Variants in CNTN5 observed in about 807,000 individuals in gnomAD.
The protein encoded by CNTN5 is contactin 5.
A neutral mutation model predicts 129.1 loss-of-function variants in CNTN5; 77 were observed. The observed-to-expected ratio is 0.60, with a 90% CI of 0.50 to 0.72. The LOEUF is 0.72. Ranked by LOEUF, CNTN5 falls within the 30% of genes least tolerant of loss-of-function variation. The pLI is 0.00. For synonymous variants in CNTN5, 509 were observed against 465.6 expected (o/e 1.09, Z -1.20); for missense variants, 1,478 against 1,328.8 (o/e 1.11, Z -1.75).
chr11:99,774,136 T>A (rs978147686), intron 3 of CNTN5, among the ~76,000 whole-genome samples: 1 of 152,042 alleles, frequency 6.6e-6, no homozygotes, highest in Non-Finnish European at 1.5e-5. Flanking sequence ...GTTTAAGTTT[T>A]CGAACCACCC....
chr11:99,636,666 C>G (rs1207376207), intron 3 of CNTN5, among the ~76,000 whole-genome samples: 1 of 151,928 alleles, frequency 6.6e-6, no homozygotes, highest in Non-Finnish European at 1.5e-5. Flanking sequence ...AAAACTTGAT[C>G]AGGCAACTCT....
At chr11:99,271,708 A>G (rs1343958026) in intron 1 of CNTN5, among the ~76,000 whole-genome samples, 1 of 151,822 alleles carries the variant, frequency 6.6e-6, no homozygotes, top group Non-Finnish European at 1.5e-5. Context: ...AAGAGAACTC[A>G]CAAAACTGTC....
At chr11:99,340,842 A>G (rs1267262198) in intron 2 of CNTN5, among the ~76,000 whole-genome samples, 2 of 152,240 alleles carry the variant, frequency 1.3e-5, no homozygotes, top group African/African-American at 4.8e-5. Flanking sequence ...TACATTAAAC[A>G]TATTCATGAC....
intron 1 of CNTN5, among the ~76,000 whole-genome samples, chr11:99,300,180 G>C (rs1001677759): frequency 6.6e-5 from 10 of 152,122 alleles, no homozygotes; most frequent in African/African-American, 2.4e-4. Context: ...TGAAAATGGC[G>C]TCCTTGCCTT....
chr11:99,495,427 G>A lies in CNTN5; in HGVS notation c.-70-60718G>A, dbSNP rs984014012. ...TATTGCTAAAACTAAGCCATTTGCCGTGTACATATCTTATGAGATATGGCG... is the reference window on the plus strand; with the variant it reads ...TATTGCTAAAACTAAGCCATTTGCCATGTACATATCTTATGAGATATGGCG... On this transcript the variant is annotated intron_variant, in intron 2 of 24. Transcript: ENST00000524871. 1.1e-4 allele frequency among the ~76,000 whole-genome samples: 16 copies of A among 152,218 alleles called. No individual in the cohort carries two copies. In the East Asian group the frequency reaches 1.2e-3, roughly 11 times the overall value.
chr11:99,141,605 G>A (rs1366041460), intron 1 of CNTN5, among the ~76,000 whole-genome samples: 1 of 151,994 alleles, frequency 6.6e-6, no homozygotes, highest in East Asian at 1.9e-4. Context: ...GTGTTAATTT[G>A]AGATCTTTAT....
At chr11:99,548,967 A>T (rs1948390044) in intron 2 of CNTN5, among the ~76,000 whole-genome samples, 1 of 152,166 alleles carries the variant, frequency 6.6e-6, no homozygotes, top group Admixed American at 6.5e-5. Context: ...AAATCTGATT[A>T]GACATATTAA....
At chr11:100,186,275 T>A (rs1246137219) in intron 13 of CNTN5, among the ~76,000 whole-genome samples, 1 of 152,044 alleles carries the variant, frequency 6.6e-6, no homozygotes, top group Non-Finnish European at 1.5e-5. Flanking sequence ...CTCAGGAGGC[T>A]GAGGTGGGAG....
intron 3 of CNTN5, among the ~76,000 whole-genome samples, chr11:99,802,430 G>A (rs1228042427): frequency 2.6e-5 from 4 of 152,184 alleles, no homozygotes; most frequent in African/African-American, 4.8e-5. Context: ...TGGCAGGCAA[G>A]GGACTGCCAT....
chr11:99,496,107 T>C (rs1368488696), intron 2 of CNTN5, among the ~76,000 whole-genome samples: 2 of 152,156 alleles, frequency 1.3e-5, no homozygotes, highest in East Asian at 1.9e-4. Flanking sequence ...TAAGCTGAGA[T>C]AGAGATTAGG....
intron 3 of CNTN5, among the ~76,000 whole-genome samples, chr11:99,729,357 C>G (rs1943452905): frequency 6.6e-6 from 1 of 152,092 alleles, no homozygotes; most frequent in Non-Finnish European, 1.5e-5. Context: ...TATAGGTAAA[C>G]TCATGTCACG....
intron 1 of CNTN5, among the ~76,000 whole-genome samples, chr11:99,072,215 T>A (rs1865366994): frequency 6.6e-6 from 1 of 151,968 alleles, no homozygotes; most frequent in African/African-American, 2.4e-5. Context: ...TTGTCAAAAG[T>A]TTATGCTCGT....
intron 8 of CNTN5, among the ~76,000 whole-genome samples, chr11:99,963,533 T>C (rs1463396363): frequency 2.6e-5 from 4 of 152,140 alleles, no homozygotes; most frequent in Non-Finnish European, 5.9e-5. Flanking sequence ...GTTTTGATAC[T>C]AGTACCATGC....
intron 1 of CNTN5, among the ~76,000 whole-genome samples, chr11:99,027,810 G>T (rs1863169334): frequency 1.3e-5 from 2 of 151,620 alleles, no homozygotes; most frequent in African/African-American, 4.8e-5. Context: ...AGCAATTTAT[G>T]TGTTTGGGGG....
intron 3 of CNTN5, among the ~76,000 whole-genome samples, chr11:99,797,764 C>G (rs139088606): frequency 6.6e-6 from 1 of 151,962 alleles, no homozygotes; most frequent in Non-Finnish European, 1.5e-5. Context: ...TGTGAAGAAT[C>G]GCTTTAGTTT....
At chr11:100,189,593 A>T (rs34029128) in intron 13 of CNTN5, among the ~76,000 whole-genome samples, 8,900 of 152,240 alleles carry the variant, frequency 0.058, 342 homozygotes, top group Non-Finnish European at 0.081. Context: ...TTACAAGAGG[A>T]TGCTTGTTTG....
At chr11:99,370,106 A>T (rs949368237) in intron 2 of CNTN5, among the ~76,000 whole-genome samples, 1 of 152,186 alleles carries the variant, frequency 6.6e-6, no homozygotes, top group Non-Finnish European at 1.5e-5. Context: ...GTGAAACAAG[A>T]TAAAAACTAT....
rs201960167 is a variant in CNTN5 at position 99,710,429 on chromosome 11, CTGT to C, written c.56-109105_56-109103del. On this transcript the variant is annotated intron_variant, in intron 3 of 24. Transcript: ENST00000524871. ...CATTAAGTGAGTTAAGGGTGTGTGT[CTGT>C]TGTTGTTGTCGTTCCTGTTGTTGCA... is the stretch of plus-strand genomic sequence containing the variant. 2.0e-3 allele frequency among the ~76,000 whole-genome samples: 298 copies of C among 151,856 alleles called. 1 individual carries two copies. Among genetic ancestry groups the C allele is most frequent in the African/African-American group, 6.5e-3 (271 of 41,474 alleles).
rs183945341 is a variant in CNTN5 at position 99,124,720 on chromosome 11, A to T, written c.-210+103450A>T. ...ATTAATAAGATAGAGTGCTAGCTAG[A>T]GTAATAAGGGAAAAAAAAGAGGCAT... On this transcript the variant is annotated intron_variant, in intron 1 of 24. Transcript: ENST00000524871. Among the ~76,000 whole-genome samples, 15 of 152,142 alleles carry T rather than the reference A, an allele frequency of 9.9e-5. No homozygotes were observed. The East Asian group carries it at 2.7e-3, about 27-fold the overall frequency.
Sources: gnomAD v4.1 joint callset for allele counts (sites outside exome capture counted in the v4.1 genomes callset) on GRCh38, gnomAD v4.1.1 for gene constraint, MANE v1.5 for transcripts, NCBI Gene and HGNC (gene_info 2026-07-23, HGNC 2026-07-21) for gene names.